The following RAD54L2 variants were observed in gnomAD, a reference collection of about 807,000 sequenced individuals.
RAD54L2 encodes the protein helicase ARIP4.
RAD54L2 carries 27 observed loss-of-function variants against 138.4 expected under a neutral mutation model. The ratio of observed to expected loss-of-function variants is 0.20; its 90% CI spans 0.14 to 0.27. The LOEUF is 0.27. RAD54L2 is among the 10% of genes least tolerant of loss of function. RAD54L2 has a pLI of 1.00. For synonymous variants in RAD54L2, 644 were observed against 723.2 expected, an observed-to-expected ratio of 0.89 and a Z score of 1.76; for missense variants, 1,396 against 1,890.2, an observed-to-expected ratio of 0.74 and a Z score of 4.85.
At chr3:51,646,026 G>A (rs1319256020) in intron 18 of RAD54L2, among the ~76,000 whole-genome samples, 1 of 152,160 alleles carries the variant, frequency 6.6e-6, no homozygotes, top group East Asian at 1.9e-4. Context: ...GAGGGGGAAA[G>A]TTCTAAAAAT....
chr3:51,636,170 C>G (rs1386893543), intron 10 of RAD54L2, among the ~76,000 whole-genome samples: 3 of 152,076 alleles, frequency 2.0e-5, no homozygotes, highest in African/African-American at 7.2e-5. Flanking sequence ...AGTAGTAATA[C>G]TATTGTTTGT....
chr3:51,576,375 T>G (rs9855809), intron 2 of RAD54L2, among the ~76,000 whole-genome samples: 6,759 of 152,174 alleles, frequency 0.044, 497 homozygotes, highest in African/African-American at 0.15. Flanking sequence ...ATGAGTTAGG[T>G]AGGATTCCCT....
chr3:51,633,511 AGT>A (rs1163437557), intron 7 of RAD54L2, 64 bp from the exon 8 acceptor site: 3 of 1,469,084 alleles, frequency 2.0e-6, no homozygotes, highest in Non-Finnish European at 2.8e-6. Flanking sequence ...CTAATTACAA[AGT>A]GAGTAAAAAC....
chr3:51,648,703 C>T (rs1701350604), intron 19 of RAD54L2, among the ~76,000 whole-genome samples: 2 of 152,216 alleles, frequency 1.3e-5, no homozygotes, highest in South Asian at 4.1e-4. Flanking sequence ...AACAGACCTG[C>T]AGCTGAGGGA....
At chr3:51,631,084 C>T (rs1339161243) in intron 7 of RAD54L2, among the ~76,000 whole-genome samples, 153 bp downstream of exon 7, 1 of 152,226 alleles carries the variant, frequency 6.6e-6, no homozygotes, top group South Asian at 2.1e-4. Context: ...ATACTTCCTT[C>T]TAGCAGTTGA....
At chr3:51,641,707 T>C in intron 14 of RAD54L2, 42 bp from the exon 15 acceptor site, 1 of 1,351,056 alleles carries the variant, frequency 7.4e-7, no homozygotes, top group South Asian at 1.3e-5. Flanking sequence ...CAATGTTCCC[T>C]CAATTCTGGG....
chr3:51,635,519 C>G, intron 9 of RAD54L2, 74 bp from the exon 10 acceptor site: 2 of 1,440,202 alleles, frequency 1.4e-6, no homozygotes, highest in Non-Finnish European at 1.9e-6. Flanking sequence ...GCAATTCTTC[C>G]TTGGGAGCAG....
At chr3:51,564,996 A>G (rs1394849757) in intron 2 of RAD54L2, among the ~76,000 whole-genome samples, 3 of 151,734 alleles carry the variant, frequency 2.0e-5, no homozygotes, top group African/African-American at 7.3e-5. Context: ...TGTTCATCAC[A>G]CTCCTGAAGT....
At chr3:51,561,162 C>T (rs1038121016) in intron 2 of RAD54L2, among the ~76,000 whole-genome samples, 3 of 152,204 alleles carry the variant, frequency 2.0e-5, no homozygotes, top group African/African-American at 7.2e-5. Flanking sequence ...CCCATACTTC[C>T]TACTTTATGC....
intron 1 of RAD54L2, among the ~76,000 whole-genome samples, chr3:51,539,413 T>G (rs1183689713): frequency 6.6e-6 from 1 of 152,072 alleles, no homozygotes; most frequent in Non-Finnish European, 1.5e-5. Flanking sequence ...AGAGTTTAGC[T>G]TCCCTGAGGT....
rs1701794093 is a variant in RAD54L2, at chr3:51,662,158, T to C, written c.3410-268T>C. The stretch of plus-strand genomic sequence containing the variant: ...TGATCTCTTAGTGTTTCATATCCCT[T>C]ATCTCGTAGGATTCATTTTGGTATA... On this transcript the variant is annotated intron_variant, in intron 22 of 22. Coordinates refer to ENST00000684192, the MANE Select transcript of RAD54L2 (RefSeq NM_015106.4). The surrounding 1 kb of genome is among the most constrained non-coding windows in gnomAD (Gnocchi z 4.6). 6.6e-6 allele frequency among the ~76,000 whole-genome samples: 1 copy of C among 152,212 alleles called. No individual in the cohort carries two copies. Among genetic ancestry groups the C allele is most frequent in the African/African-American group, 2.4e-5 (1 of 41,450 alleles).
At position 51,630,256 on chromosome 3, in the gene RAD54L2, A is replaced by G. The variant is rs1254788935; in HGVS notation, c.482-16A>G. 1.9e-6 allele frequency: 3 copies of G among 1,607,416 alleles called. No individual in the cohort carries two copies. The highest frequency in any genetic ancestry group is 1.1e-5 in the South Asian group (1 of 90,970). Reference sequence around the variant, plus strand: ...TGTGGTCTTGACACCGTTCCCTTCCATTTTGCTTTTCCTAGAGGAAATTGC... The same window carrying G: ...TGTGGTCTTGACACCGTTCCCTTCCGTTTTGCTTTTCCTAGAGGAAATTGC... On this transcript the variant is annotated splice_polypyrimidine_tract_variant and intron_variant, in intron 5 of 22. Coordinates refer to ENST00000684192, the MANE Select transcript of RAD54L2 (RefSeq NM_015106.4).
Position 51,638,087 on chromosome 3 carries a change from G to T in RAD54L2, c.1683-57G>T, listed in dbSNP as rs1701031736. 1 of 1,543,978 alleles carries T rather than the reference G, an allele frequency of 6.5e-7. No homozygotes were observed. Among genetic ancestry groups the T allele is most frequent in the South Asian group, 1.1e-5 (1 of 87,066 alleles). The stretch of plus-strand genomic sequence containing the variant: ...GTGCAAAAGGCTCTGTTTTTATCTT[G>T]TGCTGACCCCTCCTGGCCACACTAC... On this transcript the variant is annotated intron_variant, in intron 11 of 22. Coordinates refer to ENST00000684192, the MANE Select transcript of RAD54L2 (RefSeq NM_015106.4). This position sits in a 1 kb window ranked among gnomAD's most constrained non-coding sequence, Gnocchi z 4.3.
intron 3 of RAD54L2, among the ~76,000 whole-genome samples, chr3:51,613,903 C>T (rs1261706821): frequency 6.6e-5 from 10 of 152,032 alleles, no homozygotes; most frequent in Admixed American, 2.0e-4. Flanking sequence ...TTGTCAATGT[C>T]TGGAGATATT....
At chr3:51,635,849 T>A in intron 10 of RAD54L2, 60 bp downstream of exon 10, 1 of 1,457,524 alleles carries the variant, frequency 6.9e-7, no homozygotes, top group Non-Finnish European at 9.2e-7. Flanking sequence ...AAATCATGTC[T>A]ACTAATAGCA....
At chr3:51,651,456 T>C (rs1701433369) in intron 19 of RAD54L2, among the ~76,000 whole-genome samples, 1 of 152,182 alleles carries the variant, frequency 6.6e-6, no homozygotes, top group African/African-American at 2.4e-5. Flanking sequence ...ATCATCCTGA[T>C]ACCAAAGCCT....
At chr3:51,579,675 A>G (rs1010628346) in intron 2 of RAD54L2, among the ~76,000 whole-genome samples, 1 of 152,156 alleles carries the variant, frequency 6.6e-6, no homozygotes, top group East Asian at 1.9e-4. Flanking sequence ...GAAATGTGAC[A>G]TTTAGTAGTT....
intron 3 of RAD54L2, among the ~76,000 whole-genome samples, chr3:51,609,264 G>T (rs1481570869): frequency 6.6e-6 from 1 of 152,190 alleles, no homozygotes; most frequent in Non-Finnish European, 1.5e-5. Flanking sequence ...CATTCACAGG[G>T]TTTCAACTAA....
intron 3 of RAD54L2, among the ~76,000 whole-genome samples, chr3:51,627,349 A>G (rs1700714688): frequency 6.6e-6 from 1 of 152,232 alleles, no homozygotes; most frequent in South Asian, 2.1e-4. Context: ...CACGCTATGC[A>G]GTCCTCACAA....
Sources: gnomAD v4.1 joint callset for allele counts (sites outside exome capture counted in the v4.1 genomes callset) on GRCh38, gnomAD v4.1.1 for gene constraint, Gnocchi (gnomAD v3.1) non-coding constraint, MANE v1.5 for transcripts, NCBI Gene and HGNC (gene_info 2026-07-23, HGNC 2026-07-21) for gene names.